Variants in GPHN observed in about 807,000 individuals in gnomAD.
The protein encoded by GPHN is gephyrin.
A neutral mutation model predicts 95.5 loss-of-function variants in GPHN; 17 were observed. The ratio of observed to expected loss-of-function variants is 0.18; its 90% CI spans 0.12 to 0.27. The LOEUF is 0.27. Ranked by LOEUF, GPHN falls within the 10% of genes least tolerant of loss-of-function variation. The pLI is 1.00. For missense variants in GPHN, 660 were observed against 978.1 expected, an observed-to-expected ratio of 0.67 and a Z score of 4.34; for synonymous variants, 320 against 322.5, an observed-to-expected ratio of 0.99 and a Z score of 0.08.
At chr14:66,679,644 C>G (rs978382742) in intron 1 of GPHN, among the ~76,000 whole-genome samples, 4 of 152,144 alleles carry the variant, frequency 2.6e-5, no homozygotes. Flanking sequence ...TCTTGCTGTG[C>G]TTCAGTGTGG....
At chr14:67,425,498 C>T in the GPHN span, among the ~76,000 whole-genome samples, 2 of 151,910 alleles carry the variant, frequency 1.3e-5, no homozygotes, top group Non-Finnish European at 2.9e-5. Flanking sequence ...AGCTGAGATA[C>T]CAGCACTGCA....
intron 8 of GPHN, among the ~76,000 whole-genome samples, chr14:66,944,077 A>G (rs2067591395): frequency 6.6e-6 from 1 of 152,252 alleles, no homozygotes; most frequent in Non-Finnish European, 1.5e-5. Flanking sequence ...CAAGAAAAGA[A>G]AAACATAAAG....
chr14:66,695,958 C>A (rs973645449), intron 2 of GPHN, among the ~76,000 whole-genome samples: 7 of 152,102 alleles, frequency 4.6e-5, no homozygotes, highest in Non-Finnish European at 1.0e-4. Flanking sequence ...TTGTCTAAAC[C>A]ATAGAATATA....
chr14:67,465,365 C>T, the GPHN span, among the ~76,000 whole-genome samples: 3 of 128,760 alleles, frequency 2.3e-5, no homozygotes, highest in African/African-American at 7.6e-5. Context: ...GTCAGTCTCC[C>T]TGGATGGCAC....
the GPHN span, chr14:67,646,805 G>A: frequency 6.8e-7 from 1 of 1,467,386 alleles, no homozygotes; most frequent in South Asian, 1.2e-5. Flanking sequence ...TTGAAAGGCT[G>A]ATGCTTAACT....
chr14:67,329,503 TC>T, the GPHN span, among the ~76,000 whole-genome samples: 1 of 152,186 alleles, frequency 6.6e-6, no homozygotes, highest in South Asian at 2.1e-4. Flanking sequence ...GGCCAGAACT[TC>T]CAACACTGTG....
At chr14:67,619,252 C>CT in the GPHN span, among the ~76,000 whole-genome samples, 1 of 152,124 alleles carries the variant, frequency 6.6e-6, no homozygotes, top group South Asian at 2.1e-4. Context: ...GCTATATTTG[C>CT]TTTTTTAATA....
chr14:67,127,012 C>T (rs1190366080), intron 17 of GPHN, among the ~76,000 whole-genome samples: 2 of 149,788 alleles, frequency 1.3e-5, no homozygotes, highest in East Asian at 2.0e-4. Context: ...AACCAAACAC[C>T]GCATGTTCTC....
chr14:66,522,587 C>T (rs2058525607), intron 1 of GPHN, among the ~76,000 whole-genome samples: 2 of 152,058 alleles, frequency 1.3e-5, no homozygotes, highest in Admixed American at 6.6e-5. Flanking sequence ...GAGTTCTGTT[C>T]AACACCTTTT....
chr14:66,798,605 T>G (rs562970919), intron 3 of GPHN, among the ~76,000 whole-genome samples: 17 of 152,048 alleles, frequency 1.1e-4, no homozygotes, highest in African/African-American at 3.8e-4. Flanking sequence ...ATACAGTTGC[T>G]AATAGTAGCC....
intron 11 of GPHN, 56 bp from the exon 12 acceptor site, chr14:67,088,927 G>C: frequency 1.0e-6 from 1 of 969,352 alleles, no homozygotes; most frequent in Non-Finnish European, 1.7e-6. Context: ...GTTTATGACT[G>C]CCTGCTTACC....
the GPHN span, among the ~76,000 whole-genome samples, chr14:67,409,939 GC>G: frequency 6.6e-6 from 1 of 152,136 alleles, no homozygotes; most frequent in South Asian, 2.1e-4. Context: ...GGGTTCTGGG[GC>G]CCTATCCTTC....
chr14:67,427,746 G>A, the GPHN span, among the ~76,000 whole-genome samples: 3 of 152,060 alleles, frequency 2.0e-5, no homozygotes, highest in African/African-American at 7.2e-5. Flanking sequence ...AGGAGATTTG[G>A]TTTCTTTTAA....
chr14:67,193,311 T>TATAG, the GPHN span, among the ~76,000 whole-genome samples: 1 of 130,554 alleles, frequency 7.7e-6, no homozygotes. Flanking sequence ...TATATCTCTA[T>TATAG]ATAGATATCT....
chr14:67,684,974 G>T, the GPHN span: 1 of 1,531,470 alleles, frequency 6.5e-7, no homozygotes, highest in South Asian at 1.2e-5. Context: ...TATCTCCTTT[G>T]AGCAATAAAT....
chr14:66,998,718 A>G (rs1747975495), intron 9 of GPHN, among the ~76,000 whole-genome samples: 1 of 152,024 alleles, frequency 6.6e-6, no homozygotes, highest in Non-Finnish European at 1.5e-5. Flanking sequence ...TGGTTTACCA[A>G]TTGCATATCA....
At chr14:67,440,750 T>G in the GPHN span, among the ~76,000 whole-genome samples, 1 of 121,032 alleles carries the variant, frequency 8.3e-6, no homozygotes, top group African/African-American at 3.2e-5. Flanking sequence ...TGTCTCAGAG[T>G]GAAAAAAAAA....
At chr14:66,887,633 C>T (rs2064263556) in intron 5 of GPHN, among the ~76,000 whole-genome samples, 1 of 152,104 alleles carries the variant, frequency 6.6e-6, no homozygotes, top group Non-Finnish European at 1.5e-5. Context: ...CACCCCCACA[C>T]ATCCCCACCA....
chr14:67,642,464 T>C, the GPHN span: 1 of 1,351,558 alleles, frequency 7.4e-7, no homozygotes, highest in East Asian at 2.5e-5. Flanking sequence ...AAAAATACCC[T>C]ACAGAATTTT....
Sources: gnomAD v4.1 joint callset for allele counts (sites outside exome capture counted in the v4.1 genomes callset) on GRCh38, gnomAD v4.1.1 for gene constraint, MANE v1.5 for transcripts, NCBI Gene and HGNC (gene_info 2026-07-23, HGNC 2026-07-21) for gene names.